Variants in KANSL1 observed in about 807,000 individuals in gnomAD.
The protein encoded by KANSL1 is MLL1/MLL complex subunit KANSL1.
A neutral mutation model predicts 103.6 loss-of-function variants in KANSL1; 22 were observed. That is an observed-to-expected ratio of 0.21 (90% CI 0.15 to 0.30). The LOEUF (loss-of-function observed/expected upper bound fraction) is 0.30. KANSL1 is among the 10% of genes least tolerant of loss of function. The pLI is 1.00. For synonymous variants in KANSL1, 600 were observed against 527.6 expected (o/e 1.14, Z -1.88); for missense variants, 1,337 against 1,399.8 (o/e 0.96, Z 0.72).
chr17:46,105,864 TTC>T (rs1567680186), intron 2 of KANSL1, among the ~76,000 whole-genome samples: 1 of 109,592 alleles, frequency 9.1e-6, no homozygotes, highest in Non-Finnish European at 1.8e-5. Context: ...CAGCAAGACC[TTC>T]ACACACACAC....
chr17:46,083,617 C>CT (rs2079058723), intron 3 of KANSL1, among the ~76,000 whole-genome samples: 1 of 152,132 alleles, frequency 6.6e-6, no homozygotes. Flanking sequence ...CGAGGCTGAT[C>CT]TCAAACTCCT....
At chr17:46,141,749 CAA>C (rs1354528323) in intron 2 of KANSL1, among the ~76,000 whole-genome samples, 1 of 152,198 alleles carries the variant, frequency 6.6e-6, no homozygotes, top group Non-Finnish European at 1.5e-5. Flanking sequence ...ATGCAACTTC[CAA>C]AGTCCCAAAG....
chr17:46,076,675 A>G (rs2078785942), intron 4 of KANSL1, among the ~76,000 whole-genome samples: 1 of 150,044 alleles, frequency 6.7e-6, no homozygotes, highest in African/African-American at 2.4e-5. Flanking sequence ...CTTCTAACAC[A>G]TAAATACAGC....
At chr17:46,206,480 T>C (rs2047973172) in intron 1 of KANSL1, among the ~76,000 whole-genome samples, 2 of 152,314 alleles carry the variant, frequency 1.3e-5, no homozygotes, top group South Asian at 4.1e-4. Flanking sequence ...AATCCCAGCA[T>C]TTGGGGAGGC....
intron 10 of KANSL1, among the ~76,000 whole-genome samples, chr17:46,036,942 C>T (rs1039087816): frequency 6.6e-6 from 1 of 152,132 alleles, no homozygotes; most frequent in Non-Finnish European, 1.5e-5. Context: ...GAACTCCTGA[C>T]CTCAAGTGAT....
chr17:46,192,290 A>G (rs1292461877), intron 1 of KANSL1: 2 of 151,726 alleles, frequency 1.3e-5, no homozygotes, highest in East Asian at 3.9e-4. Context: ...AAGCAAATAA[A>G]TCCCTCTTCC....
chr17:46,040,063 C>G (rs2077267220), intron 7 of KANSL1, 179 bp from the exon 8 acceptor site: 2 of 519,342 alleles, frequency 3.9e-6, no homozygotes, highest in South Asian at 6.7e-5. Flanking sequence ...TATTTGCAAG[C>G]AGGTCACTTT....
At chr17:46,158,432 G>A (rs560161143) in intron 2 of KANSL1, among the ~76,000 whole-genome samples, 9 of 150,542 alleles carry the variant, frequency 6.0e-5, no homozygotes, top group Non-Finnish European at 1.2e-4. Context: ...GATCGATCTC[G>A]GCTCACTGCA....
At chr17:46,207,579 C>T (rs1245830373) in intron 1 of KANSL1, among the ~76,000 whole-genome samples, 1 of 151,756 alleles carries the variant, frequency 6.6e-6, no homozygotes, top group African/African-American at 2.4e-5. Context: ...AGAGCAAGAC[C>T]TAGCCTAAAA....
chr17:46,156,149 A>G (rs886442115), intron 2 of KANSL1, among the ~76,000 whole-genome samples: 3 of 152,214 alleles, frequency 2.0e-5, no homozygotes, highest in African/African-American at 7.2e-5. Flanking sequence ...AAAGTTCAAG[A>G]CCAGCCTGAC....
At chr17:46,192,098 A>C (rs888730925) in intron 1 of KANSL1, among the ~76,000 whole-genome samples, 2 of 152,218 alleles carry the variant, frequency 1.3e-5, no homozygotes, top group African/African-American at 4.8e-5. Flanking sequence ...AGCAATAGTT[A>C]AGTAGCACGT....
chr17:46,106,049 T>TG (rs2042552635), intron 2 of KANSL1, among the ~76,000 whole-genome samples: 1 of 152,188 alleles, frequency 6.6e-6, no homozygotes, highest in Non-Finnish European at 1.5e-5. Context: ...AGGGAGAACT[T>TG]GCCTCCGGCT....
chr17:46,200,861 A>G (rs2047780769), intron 1 of KANSL1, among the ~76,000 whole-genome samples: 1 of 151,930 alleles, frequency 6.6e-6, no homozygotes, highest in African/African-American at 2.4e-5. Context: ...AAGATGGCAG[A>G]CCTGTTTCCT....
chr17:46,102,416 A>AT (rs1257854284), intron 2 of KANSL1, among the ~76,000 whole-genome samples: 1 of 152,124 alleles, frequency 6.6e-6, no homozygotes, highest in African/African-American at 2.4e-5. Flanking sequence ...TGCCTGGCTA[A>AT]TTTTTGTGTT....
At chr17:46,077,485 C>T (rs1181809151) in intron 4 of KANSL1, among the ~76,000 whole-genome samples, 2 of 152,208 alleles carry the variant, frequency 1.3e-5, no homozygotes, top group African/African-American at 2.4e-5. Context: ...GGAATAAGGT[C>T]TTCACCTTTG....
In KANSL1 at chr17:46,099,295, G is replaced by A. The variant is rs1302892518; in HGVS notation, c.1290-4594C>T. Among the ~76,000 whole-genome samples the A allele has an allele frequency of 6.5e-5, 7 of 107,618 alleles. 1 individual carries two copies. In the South Asian group the frequency reaches 7.4e-4, roughly 11 times the overall value. The allele number at this position is 107,618 out of a possible 152,430, so 70.6% of individuals were successfully genotyped here. Reference sequence around the variant, plus strand: ...GCCGAGATTGCGCCACTGCACTCTCGCCTGGGCCACAGAGCGAGACTCCGT... The same window carrying A: ...GCCGAGATTGCGCCACTGCACTCTCACCTGGGCCACAGAGCGAGACTCCGT... On this transcript the variant is annotated intron_variant, in intron 2 of 14. Transcript: ENST00000432791.
chr17:46,175,214 A>C (rs2046460725), intron 1 of KANSL1, among the ~76,000 whole-genome samples: 1 of 152,202 alleles, frequency 6.6e-6, no homozygotes, highest in Non-Finnish European at 1.5e-5. Flanking sequence ...TAGTATGACA[A>C]TTTGAATCAT....
intron 6 of KANSL1, among the ~76,000 whole-genome samples, chr17:46,063,185 T>C (rs917667645): frequency 2.0e-5 from 3 of 152,254 alleles, no homozygotes; most frequent in African/African-American, 7.2e-5. Flanking sequence ...TGTTCTGTAC[T>C]CTGTACTCAC....
At chr17:46,147,723 G>A (rs940353813) in intron 2 of KANSL1, among the ~76,000 whole-genome samples, 8 of 152,124 alleles carry the variant, frequency 5.3e-5, no homozygotes, top group African/African-American at 1.9e-4. Context: ...AATCAAAATG[G>A]GTCAGCATTG....
Sources: allele counts gnomAD v4.1 joint callset (sites outside exome capture counted in the v4.1 genomes callset), GRCh38; gene constraint gnomAD v4.1.1; transcripts MANE v1.5; gene names NCBI Gene and HGNC (gene_info 2026-07-23, HGNC 2026-07-21).